The following CCL3L3 variants were observed in gnomAD, a reference collection of about 807,000 sequenced individuals.
The protein encoded by CCL3L3 is C-C motif chemokine 3-like 1.
Under a neutral mutation model 9.0 loss-of-function variants are expected in CCL3L3, and 6 were observed. That is an observed-to-expected ratio of 0.67 (90% CI 0.37 to 1.32). CCL3L3 has a LOEUF of 1.32. Ranked by LOEUF, CCL3L3 falls within the 40% of genes most tolerant of loss-of-function variation. CCL3L3 has a pLI of 0.02. For synonymous variants in CCL3L3, 38 were observed against 45.7 expected (o/e 0.83, Z 0.68); for missense variants, 93 against 117.0 (o/e 0.79, Z 0.95).
Position 36,195,113 on chromosome 17 carries a change from T to C in CCL3L3, c.*173A>G. ...AAAATAAATTATAAAAACTAAATAG[T>C]ATAAATAAATTAAAATTTAAGTTAA... On this transcript the variant is annotated 3_prime_UTR_variant, in exon 3 of 3. Coordinates refer to ENST00000619989, the MANE Select transcript of CCL3L3 (RefSeq NM_001001437.4). The C allele has an allele frequency of 2.7e-6, 2 of 732,136 alleles. No homozygotes were observed. The highest frequency in any genetic ancestry group is 4.6e-6 in the Non-Finnish European group (2 of 433,530). The allele number at this position is 732,136 out of a possible 1,614,324, so 45.4% of individuals were successfully genotyped here. A position where few individuals can be genotyped will look rare whatever the true frequency, so the allele number is the denominator to read the frequency against.
intron 1 of CCL3L3, 137 bp downstream of exon 1, chr17:36,196,461 A>G: frequency 8.9e-7 from 1 of 1,119,988 alleles, no homozygotes; most frequent in Non-Finnish European, 1.3e-6. Context: ...AGTTGTGAAG[A>G]AAAAGACCAA....
chr17:36,195,498 GC>G, intron 2 of CCL3L3, 122 bp from the exon 3 acceptor site: 1 of 1,358,352 alleles, frequency 7.4e-7, no homozygotes. Context: ...TCTCTCAGGG[GC>G]CCCCTGCCTA....
chr17:36,195,259 C>A lies in CCL3L3; in HGVS notation c.*27G>T. ...TCCTCCCCACTGGGCCCACTGAGGTCGCTGGGCCTCGAAGCTTCTGGACCC... is the reference window on the plus strand; with the variant it reads ...TCCTCCCCACTGGGCCCACTGAGGTAGCTGGGCCTCGAAGCTTCTGGACCC... On this transcript the variant is annotated 3_prime_UTR_variant, in exon 3 of 3. Transcript: ENST00000619989. 1.3e-6 allele frequency: 2 copies of A among 1,579,582 alleles called. No homozygotes were observed. Among genetic ancestry groups the A allele is most frequent in the Non-Finnish European group, 1.7e-6 (2 of 1,155,248 alleles).
At chr17:36,195,717 A>T in intron 2 of CCL3L3, 81 bp downstream of exon 2, 1 of 1,503,582 alleles carries the variant, frequency 6.7e-7, no homozygotes, top group Non-Finnish European at 9.2e-7. Flanking sequence ...GGGCCTTTCC[A>T]GGATGGCCTT....
chr17:36,195,746 C>G, intron 2 of CCL3L3, 52 bp downstream of exon 2: 1 of 1,564,424 alleles, frequency 6.4e-7, no homozygotes, highest in Non-Finnish European at 8.8e-7. Flanking sequence ...TTTCTGCCCC[C>G]ACCCTGACAC....
At position 36,195,798 on chromosome 17, in the gene CCL3L3, A is replaced by G. The variant is rs1482642243; in HGVS notation, c.191T>C (p.Ile64Thr). 3 of 1,582,784 alleles carry G rather than the reference A, an allele frequency of 1.9e-6. No homozygotes were observed. The East Asian group carries it at 6.7e-5, about 35-fold the overall frequency. Residue 64 changes from isoleucine to threonine, a missense_variant and splice_region_variant, in exon 2 of 3, where the codon ATC (isoleucine) becomes ACC (threonine). Physicochemically the swap from Ile to Thr is moderately conservative, Grantham distance 89 (BLOSUM62 -1). Coordinates refer to ENST00000619989, the MANE Select transcript of CCL3L3 (RefSeq NM_001001437.4). ...TSSQCSKPSV[I>T]FLTKRGRQVC... ...GGTGAGCAGGAAGACTGGCACTTAC[A>G]TGACACTGGGCTTGGAGCACTGGCT...
rs2068616718 is a variant in CCL3L3, at chr17:36,195,944, AC to A, written c.77-33del. 1.0e-5 allele frequency: 12 copies of A among 1,203,636 alleles called. 3 individuals carry two copies. The highest frequency in any genetic ancestry group is 1.3e-5 in the Non-Finnish European group (12 of 890,324). The allele number at this position is 1,203,636 out of a possible 1,614,324, so 74.6% of individuals were successfully genotyped here. A position where few individuals can be genotyped will look rare whatever the true frequency, so the allele number is the denominator to read the frequency against. On this transcript the variant is annotated intron_variant, in intron 1 of 2. Coordinates refer to ENST00000619989, the MANE Select transcript of CCL3L3 (RefSeq NM_001001437.4). ...AGAAAGGAGAGAATAAGCCCGAGTCACAGCTCAGAAGAAAAGGCCAGGCAGC... is the reference window on the plus strand; with the variant it reads ...AGAAAGGAGAGAATAAGCCCGAGTCAAGCTCAGAAGAAAAGGCCAGGCAGC...
Position 36,196,647 on chromosome 17 carries a change from G to T in CCL3L3, c.27C>A (p.Ala9=), listed in dbSNP as rs1363469978. The T allele has an allele frequency of 1.3e-6, 2 of 1,580,992 alleles. No individual in the cohort carries two copies. The highest frequency in any genetic ancestry group is 1.3e-5 in the African/African-American group (1 of 74,840). The part of the protein sequence containing the change: MQVSTAAL[A]VLLCTMALCN... ...AGAGAGCCATGGTGCAGAGGAGGAC[G>T]GCAAGGGCAGCAGTGGAGACCTGCA... is the stretch of plus-strand genomic sequence containing the variant. Residue 9 remains alanine (A), a synonymous_variant, in exon 1 of 3, where the codon GCC becomes GCA. Coordinates refer to ENST00000619989, the MANE Select transcript of CCL3L3 (RefSeq NM_001001437.4).
At chr17:36,195,632 C>A in intron 2 of CCL3L3, 166 bp downstream of exon 2, 1 of 1,095,266 alleles carries the variant, frequency 9.1e-7, no homozygotes, top group Non-Finnish European at 1.4e-6. Context: ...CTGTAACACC[C>A]ACCTCACTCC....
chr17:36,195,364 CTT>C lies in CCL3L3; in HGVS notation c.202_203del (p.Lys68GlufsTer8), dbSNP rs1181067482. On this transcript the variant is annotated frameshift_variant, in exon 3 of 3. Transcript: ENST00000619989. LOFTEE classifies it low-confidence loss of function (END_TRUNC). Reference sequence around the variant, plus strand: ...GGTCAGCACAGACCTGCCGGCCTCTCTTGGTTAGGAAGCTGTGGAGAAGGGAG... The same window carrying C: ...GGTCAGCACAGACCTGCCGGCCTCTCGGTTAGGAAGCTGTGGAGAAGGGAG... ...CSKPSVIFLT[K>X]RGRQVCADPS... The C allele has an allele frequency of 2.5e-6, 4 of 1,582,694 alleles. No homozygotes were observed. The highest frequency in any genetic ancestry group is 2.2e-5 in the South Asian group (2 of 89,162).
rs2068623707 is a variant in CCL3L3 at position 36,196,595 on chromosome 17, C to G, written c.76+3G>C. 4 of 1,581,058 alleles carry G rather than the reference C, an allele frequency of 2.5e-6. No individual in the cohort carries two copies. The highest frequency in any genetic ancestry group is 1.3e-5 in the African/African-American group (1 of 74,744). ...GATACCCACAACAACAACATGGACTCACGTGGTGCAGAGAGGACCTGGTTG... is the reference window on the plus strand; with the variant it reads ...GATACCCACAACAACAACATGGACTGACGTGGTGCAGAGAGGACCTGGTTG... On this transcript the variant is annotated splice_donor_region_variant and intron_variant, in intron 1 of 2. Transcript: ENST00000619989.
At chr17:36,196,381 C>T (rs2068621372) in intron 1 of CCL3L3, 6 of 730,390 alleles carry the variant, frequency 8.2e-6, no homozygotes, top group South Asian at 7.5e-5. Context: ...CTGTAACTCC[C>T]CTGCCCCTGC....
In CCL3L3 at chr17:36,196,693, A is replaced by G. The variant is rs1324542849; in HGVS notation, c.-20T>C. 3 of 1,579,250 alleles carry G rather than the reference A, an allele frequency of 1.9e-6. No homozygotes were observed. The East Asian group carries it at 6.7e-5, about 35-fold the overall frequency. On this transcript the variant is annotated 5_prime_UTR_variant, in exon 1 of 3. Coordinates refer to ENST00000619989, the MANE Select transcript of CCL3L3 (RefSeq NM_001001437.4). ...CTGCATGATTGGGAGCAGGTGATGG[A>G]ATGTGGGCTCGAGTGTCAGCAGAGC...
At chr17:36,196,515 G>T in intron 1 of CCL3L3, 83 bp downstream of exon 1, 9 of 1,454,152 alleles carry the variant, frequency 6.2e-6, no homozygotes, top group Non-Finnish European at 7.7e-6. Context: ...TTCTCTTCGG[G>T]GCTCTCAGGC....
chr17:36,195,679 C>T lies in CCL3L3; in HGVS notation c.191+119G>A, dbSNP rs2142207806. ...AGGTCACACCTCAGTGCCCTGCGTC[C>T]TGTATCCCCGATAGGCTCCTGAAGG... On this transcript the variant is annotated intron_variant, in intron 2 of 2. Transcript: ENST00000619989. 29 of 1,352,732 alleles carry T rather than the reference C, an allele frequency of 2.1e-5. 2 individuals are homozygous for T. In the East Asian group the frequency reaches 6.6e-4, roughly 31 times the overall value. 83.8% of individuals were successfully genotyped at this position (1,352,732 alleles called of 1,614,324 possible). A position where few individuals can be genotyped will look rare whatever the true frequency, so the allele number is the denominator to read the frequency against.
Position 36,195,461 on chromosome 17 carries a change from T to C in CCL3L3, c.192-85A>G, listed in dbSNP as rs1368417298. The stretch of plus-strand genomic sequence containing the variant: ...ACCATGGCCCTGACATCCTGCTCTC[T>C]GTCCTGGGCAGCTCAAGGCCTGCTC... On this transcript the variant is annotated intron_variant, in intron 2 of 2. Coordinates refer to ENST00000619989, the MANE Select transcript of CCL3L3 (RefSeq NM_001001437.4). The C allele has an allele frequency of 3.1e-5, 46 of 1,505,394 alleles. 7 individuals carry two copies. The highest frequency in any genetic ancestry group is 3.8e-5 in the Non-Finnish European group (41 of 1,085,536). The allele number at this position is 1,505,394 out of a possible 1,614,324, so 93.3% of individuals were successfully genotyped here.
chr17:36,195,512 T>TCC, intron 2 of CCL3L3, 136 bp from the exon 3 acceptor site: 1 of 1,261,390 alleles, frequency 7.9e-7, no homozygotes, highest in Non-Finnish European at 1.2e-6. Flanking sequence ...CCTGCCTATC[T>TCC]CCGTCTAGAG....
In CCL3L3 at chr17:36,195,785, G is replaced by C; in HGVS notation, c.191+13C>G. The C allele has an allele frequency of 1.3e-6, 2 of 1,581,768 alleles. No homozygotes were observed. The highest frequency in any genetic ancestry group is 1.7e-6 in the Non-Finnish European group (2 of 1,156,588). On this transcript the variant is annotated intron_variant, in intron 2 of 2. Transcript: ENST00000619989. Reference sequence around the variant, plus strand: ...CTACCTCCCTAGAGGTGAGCAGGAAGACTGGCACTTACATGACACTGGGCT... The same window carrying C: ...CTACCTCCCTAGAGGTGAGCAGGAACACTGGCACTTACATGACACTGGGCT...
chr17:36,195,998 C>A, intron 1 of CCL3L3, 86 bp from the exon 2 acceptor site: 1 of 1,310,880 alleles, frequency 7.6e-7, no homozygotes, highest in Non-Finnish European at 1.0e-6. Flanking sequence ...TTGAGGAGGG[C>A]AGGCTTGCTC....
Sources: allele counts gnomAD v4.1 joint callset, GRCh38; gene constraint gnomAD v4.1.1; transcripts MANE v1.5; gene names NCBI Gene and HGNC (gene_info 2026-07-23, HGNC 2026-07-21).